The following CCND3 variants were observed in gnomAD, a reference collection of about 807,000 sequenced individuals.
CCND3 encodes the protein G1/S-specific cyclin-D3.
In CCND3, 9 loss-of-function variants were observed where a neutral mutation model predicts 28.7. The ratio of observed to expected loss-of-function variants is 0.31; its 90% confidence interval spans 0.19 to 0.55. CCND3 has a LOEUF of 0.55. Among genes scored for constraint, CCND3 ranks in the 20% least tolerant of loss-of-function variants. The probability of loss-of-function intolerance (pLI) is 0.93; values close to 1 mark genes in which losing one functional copy is unlikely to be tolerated. For missense variants in CCND3, 315 were observed against 385.8 expected (o/e 0.82, Z 1.54); for synonymous variants, 164 against 163.9 (o/e 1.00, Z 0.00).
chr6:42,047,988 A>C (rs774579698), intron 1 of CCND3: 1 of 152,882 alleles, frequency 6.5e-6, no homozygotes, highest in African/African-American at 2.4e-5. Flanking sequence ...CAAATGAATA[A>C]CTTAATGCTC....
chr6:41,940,833 C>G, intron 1 of CCND3: 1 of 1,080,444 alleles, frequency 9.3e-7, no homozygotes, highest in Non-Finnish European at 1.4e-6. Flanking sequence ...CCCTTGCTCA[C>G]GGAGGATTCC....
In CCND3 at chr6:41,936,028, C is replaced by A. The variant is rs756000746; in HGVS notation, c.791G>T (p.Ser264Ile). ...GCCCCGGGGGGCTTTGGGCGCTGGG[C>A]TGGAGCTGGTCTGAGAGGCTTCCCT... The part of the protein sequence containing the change: ...SLREASQTSS[S>I]PAPKAPRGSS... The change falls in exon 5 of 5, where the codon AGC becomes ATC. Residue 264 changes from serine (S) to isoleucine (I), a missense_variant. Coordinates refer to ENST00000372991, the MANE Select transcript of CCND3 (RefSeq NM_001760.5). The surrounding 1 kb of genome is among the most constrained non-coding windows in gnomAD (Gnocchi z 4.4). 6.2e-7 allele frequency: 1 copy of A among 1,613,428 alleles called. No individual in the cohort carries two copies. The highest frequency in any genetic ancestry group is 8.5e-7 in the Non-Finnish European group (1 of 1,179,612).
In CCND3 at chr6:42,024,158, C is replaced by T. The variant is rs1323673684; in HGVS notation, c.-46+24343G>A. Among the ~76,000 whole-genome samples the T allele has an allele frequency of 3.9e-5, 6 of 152,206 alleles. No homozygotes were observed. In the East Asian group the frequency reaches 1.2e-3, roughly 29 times the overall value. On this transcript the variant is annotated intron_variant, in intron 1 of 4. Coordinates refer to the CCND3 transcript ENST00000372988. ...GTGGCTCACACCTGTAATCCCAGCA[C>T]TTTGGGAGGCCGAGGCAGGTGGATC...
At position 41,936,317 on chromosome 6, in the gene CCND3, C is replaced by A; in HGVS notation, c.712-210G>T. On this transcript the variant is annotated intron_variant, in intron 4 of 4. Transcript: ENST00000372991. The surrounding 1 kb of genome is among the most constrained non-coding windows in gnomAD (Gnocchi z 4.4). ...AGCCCTGCATCTGACACCAAACCCC[C>A]CACCCCCACTCCAGCACACCACTTG... The A allele has an allele frequency of 1.5e-6, 1 of 659,976 alleles. No homozygotes were observed. The highest frequency in any genetic ancestry group is 2.5e-6 in the Non-Finnish European group (1 of 395,656). 40.9% of individuals were successfully genotyped at this position (659,976 alleles called of 1,614,324 possible). A position where few individuals can be genotyped will look rare whatever the true frequency, so the allele number is the denominator to read the frequency against.
At chr6:41,975,581 AG>A (rs1052527601) in intron 1 of CCND3, among the ~76,000 whole-genome samples, 1 of 152,050 alleles carries the variant, frequency 6.6e-6, no homozygotes. Flanking sequence ...GATCTTCCCC[AG>A]GGGTAGTCAG....
Position 41,935,544 on chromosome 6 carries a change from A to G in CCND3, c.*396T>C. 2 of 372,700 alleles carry G rather than the reference A, an allele frequency of 5.4e-6. No individual in the cohort carries two copies. The highest frequency in any genetic ancestry group is 8.4e-5 in the South Asian group (1 of 11,954). 23.1% of individuals were successfully genotyped at this position (372,700 alleles called of 1,614,324 possible). Reference sequence around the variant, plus strand: ...GAGGGACCCCAATCCAAATGCAATAACCCTAGAAGGGACAACACCTTTAGA... The same window carrying G: ...GAGGGACCCCAATCCAAATGCAATAGCCCTAGAAGGGACAACACCTTTAGA... On this transcript the variant is annotated 3_prime_UTR_variant, in exon 5 of 5. Coordinates refer to ENST00000372991, the MANE Select transcript of CCND3 (RefSeq NM_001760.5).
At chr6:42,036,281 C>T (rs1764205833) in intron 1 of CCND3, among the ~76,000 whole-genome samples, 1 of 140,770 alleles carries the variant, frequency 7.1e-6, no homozygotes, top group Non-Finnish European at 1.5e-5. Context: ...GTGTGAGCCA[C>T]CATGCCTGGC....
rs1775873510 is a variant in CCND3 at position 41,938,259 on chromosome 6, CATG to C, written c.415-868_415-866del. On this transcript the variant is annotated intron_variant, in intron 2 of 4. Coordinates refer to ENST00000372991, the MANE Select transcript of CCND3 (RefSeq NM_001760.5). This position sits in a 1 kb window ranked among gnomAD's most constrained non-coding sequence, Gnocchi z 4.6. ...CCTGGCCCCATTTCTGAGTTGCACACATGAGGATTTCTTCATTGTTTTATCTCA... is the reference window on the plus strand; with the variant it reads ...CCTGGCCCCATTTCTGAGTTGCACACAGGATTTCTTCATTGTTTTATCTCA... The C allele has an allele frequency of 6.6e-6, 1 of 152,232 alleles. No homozygotes were observed. The highest frequency in any genetic ancestry group is 2.1e-4 in the South Asian group (1 of 4,838). 9.4% of individuals were successfully genotyped at this position (152,232 alleles called of 1,614,324 possible). A position where few individuals can be genotyped will look rare whatever the true frequency, so the allele number is the denominator to read the frequency against.
chr6:42,022,987 A>T (rs1488405157), intron 1 of CCND3, among the ~76,000 whole-genome samples: 1 of 152,250 alleles, frequency 6.6e-6, no homozygotes. Context: ...GTACGGGTAC[A>T]GCCAATCCCC....
intron 1 of CCND3, among the ~76,000 whole-genome samples, chr6:42,020,397 GCT>G (rs1045873706): frequency 6.6e-6 from 1 of 152,176 alleles, no homozygotes; most frequent in Admixed American, 6.5e-5. Flanking sequence ...AAGGTTCTTG[GCT>G]CTCTCTCTGT....
chr6:42,007,491 G>A (rs1763210227), intron 1 of CCND3, among the ~76,000 whole-genome samples: 1 of 152,200 alleles, frequency 6.6e-6, no homozygotes, highest in East Asian at 1.9e-4. Flanking sequence ...AAGACTGGCA[G>A]GAGGCGGAGC....
intron 1 of CCND3, among the ~76,000 whole-genome samples, chr6:42,006,123 C>T (rs910446307): frequency 6.6e-5 from 10 of 151,706 alleles, no homozygotes; most frequent in African/African-American, 2.2e-4. Context: ...GCTATGATTG[C>T]ACCGTGGCAC....
chr6:41,936,776 G>T lies in CCND3; in HGVS notation c.575-81C>A. On this transcript the variant is annotated intron_variant, in intron 3 of 4. Coordinates refer to ENST00000372991, the MANE Select transcript of CCND3 (RefSeq NM_001760.5). This position sits in a 1 kb window ranked among gnomAD's most constrained non-coding sequence, Gnocchi z 4.4. Reference sequence around the variant, plus strand: ...GCATGGACTTCCGACTCCTTGGAAAGTGCCAGGCAGCATGAGTAGAGCAGA... The same window carrying T: ...GCATGGACTTCCGACTCCTTGGAAATTGCCAGGCAGCATGAGTAGAGCAGA... The T allele has an allele frequency of 6.8e-7, 1 of 1,476,598 alleles. No individual in the cohort carries two copies. The highest frequency in any genetic ancestry group is 9.3e-7 in the Non-Finnish European group (1 of 1,077,878). The allele number at this position is 1,476,598 out of a possible 1,614,324, so 91.5% of individuals were successfully genotyped here.
At chr6:42,009,835 G>A (rs1763289224) in intron 1 of CCND3, among the ~76,000 whole-genome samples, 1 of 151,926 alleles carries the variant, frequency 6.6e-6, no homozygotes, top group Non-Finnish European at 1.5e-5. Context: ...AAAACCTTAA[G>A]GGGAGCCCTA....
intron 1 of CCND3, among the ~76,000 whole-genome samples, chr6:41,999,098 C>A (rs1000309432): frequency 1.3e-5 from 2 of 152,202 alleles, no homozygotes; most frequent in African/African-American, 4.8e-5. Context: ...CAAGGTCCCA[C>A]AGCTAGAAGT....
intron 1 of CCND3, among the ~76,000 whole-genome samples, chr6:42,046,390 T>G (rs1582199579): frequency 6.6e-6 from 1 of 152,096 alleles, no homozygotes; most frequent in East Asian, 1.9e-4. Flanking sequence ...GACCCACTCC[T>G]TGGCCATCTT....
intron 1 of CCND3, among the ~76,000 whole-genome samples, chr6:42,040,883 A>C (rs956082107): frequency 1.3e-5 from 2 of 152,014 alleles, no homozygotes; most frequent in African/African-American, 4.8e-5. Context: ...AAAAAACAAA[A>C]AAAAAAACCT....
intron 1 of CCND3, among the ~76,000 whole-genome samples, chr6:41,979,661 A>G (rs1018552409): frequency 6.7e-6 from 1 of 150,110 alleles, no homozygotes; most frequent in African/African-American, 2.4e-5. Context: ...ATATATGTAT[A>G]TATATATATA....
At chr6:42,042,253 T>C (rs937321406) in intron 1 of CCND3, among the ~76,000 whole-genome samples, 20 of 152,222 alleles carry the variant, frequency 1.3e-4, no homozygotes, top group Admixed American at 2.6e-4. Flanking sequence ...GCCCATGATA[T>C]GGTGATAATG....
Sources: gnomAD v4.1 joint callset for allele counts (sites outside exome capture counted in the v4.1 genomes callset) on GRCh38, gnomAD v4.1.1 for gene constraint, Gnocchi (gnomAD v3.1) non-coding constraint, MANE v1.5 for transcripts, NCBI Gene and HGNC (gene_info 2026-07-23, HGNC 2026-07-21) for gene names.